Variants in SDS observed in about 807,000 individuals in gnomAD.
SDS encodes the protein L-serine dehydratase/L-threonine deaminase.
Under a neutral mutation model 29.3 loss-of-function variants are expected in SDS, and 19 were observed. The ratio of observed to expected loss-of-function variants is 0.65; its 90% CI spans 0.45 to 0.95. SDS has a LOEUF of 0.95. Among genes scored for constraint, SDS ranks in the 40% least tolerant of loss-of-function variants. The probability of loss-of-function intolerance (pLI) is 0.00; values close to 1 mark genes in which losing one functional copy is unlikely to be tolerated. For synonymous variants in SDS, 176 were observed against 189.0 expected (o/e 0.93, Z 0.56); for missense variants, 375 against 439.9 (o/e 0.85, Z 1.32).
chr12:113,397,409 G>A lies in SDS; in HGVS notation c.426-17C>T, dbSNP rs771773016. ...TGGCCTTCCCTGGAGGGTGGGGAGAGGGGGTGGCAGGTCAGGGCTAGGCTT... is the reference window on the plus strand; with the variant it reads ...TGGCCTTCCCTGGAGGGTGGGGAGAAGGGGTGGCAGGTCAGGGCTAGGCTT... On this transcript the variant is annotated splice_polypyrimidine_tract_variant and intron_variant, in intron 5 of 7. Coordinates refer to ENST00000257549, the MANE Select transcript of SDS (RefSeq NM_006843.3). 6.3e-7 allele frequency: 1 copy of A among 1,586,924 alleles called. No homozygotes were observed. Among genetic ancestry groups the A allele is most frequent in the Non-Finnish European group, 8.6e-7 (1 of 1,161,464 alleles).
intron 7 of SDS, among the ~76,000 whole-genome samples, 181 bp from the exon 8 acceptor site, chr12:113,393,330 A>G (rs1270323578): frequency 6.6e-6 from 1 of 152,236 alleles, no homozygotes; most frequent in African/African-American, 2.4e-5. Flanking sequence ...AGCCTGAGCC[A>G]GGGCCTGGGT....
At chr12:113,400,227 A>G (rs1041561049) in intron 1 of SDS, among the ~76,000 whole-genome samples, 8 of 151,640 alleles carry the variant, frequency 5.3e-5, no homozygotes, top group Non-Finnish European at 1.5e-5. Flanking sequence ...CAGGAGGCGG[A>G]GGTTGCAGTG....
chr12:113,399,125 A>G lies in SDS; in HGVS notation c.180T>C (p.Phe60=). Residue 60 remains phenylalanine, a synonymous_variant, in exon 3 of 8, where the codon TTT becomes TTC. Coordinates refer to ENST00000257549, the MANE Select transcript of SDS (RefSeq NM_006843.3). ...CAGATCACTTACCCGAGGAGCAGAC[A>G]AAATGTGCACAGCCTTGCTTGGCCC... ...KRWAKQGCAH[F]VCSSAGNAGM... The G allele has an allele frequency of 6.2e-7, 1 of 1,614,028 alleles. No individual in the cohort carries two copies. Among genetic ancestry groups the G allele is most frequent in the Non-Finnish European group, 8.5e-7 (1 of 1,179,944 alleles).
chr12:113,399,432 G>T (rs1957670309), intron 2 of SDS, 124 bp downstream of exon 2: 2 of 1,209,628 alleles, frequency 1.7e-6, no homozygotes, highest in Admixed American at 2.8e-5. Context: ...TGGACGCTCA[G>T]TCCTTGCGGG....
At chr12:113,400,880 G>A (rs899547733) in intron 1 of SDS, among the ~76,000 whole-genome samples, 10 of 151,742 alleles carry the variant, frequency 6.6e-5, no homozygotes, top group African/African-American at 1.2e-4. Flanking sequence ...TGGGCTGGGC[G>A]CGGTGACTCA....
intron 7 of SDS, 85 bp from the exon 8 acceptor site, chr12:113,393,234 A>T (rs1957622546): frequency 1.6e-6 from 2 of 1,274,936 alleles, no homozygotes; most frequent in South Asian, 1.2e-5. Flanking sequence ...GGACCTGGGA[A>T]TACTGAGCCA....
At chr12:113,393,227 C>T in intron 7 of SDS, 78 bp from the exon 8 acceptor site, 1 of 1,343,962 alleles carries the variant, frequency 7.4e-7, no homozygotes, top group Non-Finnish European at 1.1e-6. Context: ...ATTGGCAGGA[C>T]CTGGGAATAC....
chr12:113,394,295 T>A (rs993329588), intron 6 of SDS, among the ~76,000 whole-genome samples: 36 of 152,226 alleles, frequency 2.4e-4, no homozygotes, highest in African/African-American at 7.7e-4. Context: ...AGTGTCACTA[T>A]GTTGCCCAGG....
chr12:113,397,196 C>T lies in SDS; in HGVS notation c.622G>A (p.Gly208Ser). ...AHSFHAATTA[G>S]KLVSLPKITS... The stretch of plus-strand genomic sequence containing the variant: ...ATCTTGGGCAGGGAGACAAGTTTGC[C>T]TGCGGTGGTGGCAGCGTGGAAGCTG... The change falls in exon 6 of 8, where the codon GGC becomes AGC. Residue 208 changes from glycine (G) to serine (S), a missense_variant. Gly to Ser is a moderately conservative substitution (Grantham distance 56, BLOSUM62 0). Transcript: ENST00000257549. 6.2e-7 allele frequency: 1 copy of T among 1,614,234 alleles called. No homozygotes were observed. The highest frequency in any genetic ancestry group is 8.5e-7 in the Non-Finnish European group (1 of 1,180,034).
At position 113,392,897 on chromosome 12, in the gene SDS, G is replaced by T; in HGVS notation, c.*44C>A. 1 of 1,568,258 alleles carries T rather than the reference G, an allele frequency of 6.4e-7. No homozygotes were observed. The highest frequency in any genetic ancestry group is 1.1e-5 in the South Asian group (1 of 89,222). ...TGGATAAAACTCCAGCCCCTCCAGG[G>T]GTCTCTTGGGCTAGGAGAGCACAGA... On this transcript the variant is annotated 3_prime_UTR_variant, in exon 8 of 8. Coordinates refer to ENST00000257549, the MANE Select transcript of SDS (RefSeq NM_006843.3).
chr12:113,395,010 A>G (rs757003469), intron 6 of SDS, among the ~76,000 whole-genome samples: 2 of 152,168 alleles, frequency 1.3e-5, no homozygotes, highest in Non-Finnish European at 2.9e-5. Flanking sequence ...CTTCACAAGC[A>G]TTATTGAATT....
chr12:113,399,282 C>A, intron 2 of SDS, 131 bp from the exon 3 acceptor site: 1 of 1,053,980 alleles, frequency 9.5e-7, no homozygotes, highest in South Asian at 1.4e-5. Flanking sequence ...TTGTTCTACC[C>A]TTGTCTGAGA....
At position 113,393,964 on chromosome 12, in the gene SDS, AC is replaced by A. The variant is rs1957628554; in HGVS notation, c.705del (p.Gln237ArgfsTer45). The A allele has an allele frequency of 1.2e-6, 2 of 1,614,054 alleles. No homozygotes were observed. The highest frequency in any genetic ancestry group is 1.7e-6 in the Non-Finnish European group (2 of 1,180,036). On this transcript the variant is annotated frameshift_variant, in exon 7 of 8. Coordinates refer to ENST00000257549, the MANE Select transcript of SDS (RefSeq NM_006843.3). LOFTEE classifies it high-confidence loss of function. ...VKTVGAQALKLFQEHPIFSEV... is the reference protein window; with the variant it reads ...VKTVGAQALKXFQEHPIFSEV... ...TCAGAGAAAATGGGGTGTTCCTGAAACAGCTTCAGGGCCTGAGCCCCCACAG... is the reference window on the plus strand; with the variant it reads ...TCAGAGAAAATGGGGTGTTCCTGAAAAGCTTCAGGGCCTGAGCCCCCACAG...
chr12:113,395,984 G>A (rs756623153), intron 6 of SDS, among the ~76,000 whole-genome samples: 8 of 152,040 alleles, frequency 5.3e-5, no homozygotes, highest in Middle Eastern at 3.2e-3. Flanking sequence ...TGGGGCAGAC[G>A]CCTACTCCTG....
In SDS at chr12:113,396,782, C is replaced by T. The variant is rs560845526; in HGVS notation, c.653+383G>A. The T allele has an allele frequency of 2.1e-4, 53 of 257,448 alleles. 1 individual carries two copies. In the Middle Eastern group the frequency reaches 4.4e-3, roughly 21 times the overall value. The allele number at this position is 257,448 out of a possible 1,614,324, so 15.9% of individuals were successfully genotyped here. A position where few individuals can be genotyped will look rare whatever the true frequency, so the allele number is the denominator to read the frequency against. ...CTGGGACTATGCGTGTGTGCTACCACGCCCAGTTAATTTAAAAAAAAAACA... is the reference window on the plus strand; with the variant it reads ...CTGGGACTATGCGTGTGTGCTACCATGCCCAGTTAATTTAAAAAAAAAACA... On this transcript the variant is annotated intron_variant, in intron 6 of 7. Transcript: ENST00000257549.
chr12:113,397,083 T>G (rs985833609), intron 6 of SDS, 82 bp downstream of exon 6: 23 of 1,215,848 alleles, frequency 1.9e-5, no homozygotes, highest in Non-Finnish European at 2.7e-5. Context: ...CAGGCTGACA[T>G]CAGGATCTAT....
chr12:113,397,041 C>T (rs956459047), intron 6 of SDS, 124 bp downstream of exon 6: 18 of 888,816 alleles, frequency 2.0e-5, no homozygotes, highest in Admixed American at 6.8e-5. Flanking sequence ...CCTGGGCAAG[C>T]GATCAAAGCC....
chr12:113,397,095 T>C, intron 6 of SDS, 70 bp downstream of exon 6: 1 of 1,380,614 alleles, frequency 7.2e-7, no homozygotes, highest in South Asian at 1.2e-5. Flanking sequence ...AGGATCTATC[T>C]CAAAGCCAGC....
chr12:113,393,018 C>T lies in SDS; in HGVS notation c.910G>A (p.Gly304Arg). The change falls in exon 8 of 8, where the codon GGG becomes AGG. Residue 304 changes from glycine (G) to arginine (R), a missense_variant. Gly to Arg is a moderately radical substitution (Grantham distance 125, BLOSUM62 -2). Transcript: ENST00000257549. ...TGGGCCAGGCTGATGTTGCTGCCCCCGCAGACGATGACCACGAGGGATGGC... is the reference window on the plus strand; with the variant it reads ...TGGGCCAGGCTGATGTTGCTGCCCCTGCAGACGATGACCACGAGGGATGGC... ...PLPSLVVIVC[G>R]GSNISLAQLR... The T allele has an allele frequency of 6.2e-7, 1 of 1,614,178 alleles. No individual in the cohort carries two copies. The highest frequency in any genetic ancestry group is 1.1e-5 in the South Asian group (1 of 91,076).
Sources: gnomAD v4.1 joint callset for allele counts (sites outside exome capture counted in the v4.1 genomes callset) on GRCh38, gnomAD v4.1.1 for gene constraint, MANE v1.5 for transcripts, NCBI Gene and HGNC (gene_info 2026-07-23, HGNC 2026-07-21) for gene names.